ZFAT: variants seen among roughly 807,000 people sequenced by gnomAD.
The protein encoded by ZFAT is zinc finger and AT-hook domain containing, also known as zinc finger protein ZFAT.
Under a neutral mutation model 117.7 loss-of-function variants are expected in ZFAT, and 64 were observed. The observed-to-expected ratio is 0.54, with a 90% CI of 0.44 to 0.67. ZFAT has a LOEUF of 0.67. ZFAT is among the 30% of genes least tolerant of loss of function. The pLI is 0.00. For missense variants in ZFAT, 1,433 were observed against 1,584.5 expected (o/e 0.90, Z 1.62); for synonymous variants, 679 against 615.0 (o/e 1.10, Z -1.54).
chr8:134,654,988 T>A (rs966268974), intron 2 of ZFAT, among the ~76,000 whole-genome samples: 5 of 152,192 alleles, frequency 3.3e-5, no homozygotes, highest in African/African-American at 1.2e-4. Flanking sequence ...AAAGTGTTCC[T>A]CAGGGTGACC....
At chr8:134,606,617 GAGGCAAGAGAAT>G (rs1208780359) in intron 5 of ZFAT, among the ~76,000 whole-genome samples, 6 of 151,900 alleles carry the variant, frequency 3.9e-5, no homozygotes, top group Non-Finnish European at 7.4e-5. Flanking sequence ...TCAGGAGGCT[GAGGCAAGAGAAT>G]AGGCAAGAGA....
chr8:134,564,823 G>T (rs1000427511), intron 11 of ZFAT, among the ~76,000 whole-genome samples: 1 of 152,152 alleles, frequency 6.6e-6, no homozygotes, highest in Non-Finnish European at 1.5e-5. Context: ...CACCTACACT[G>T]AAGAAACACA....
intron 1 of ZFAT, among the ~76,000 whole-genome samples, chr8:134,707,471 A>G (rs370731327): frequency 3.9e-5 from 6 of 152,238 alleles, no homozygotes; most frequent in Non-Finnish European, 8.8e-5. Flanking sequence ...TAAGGGGCAG[A>G]GAAATGGTAG....
intron 1 of ZFAT, among the ~76,000 whole-genome samples, chr8:134,690,212 G>A (rs1000964175): frequency 1.3e-4 from 20 of 152,156 alleles, no homozygotes; most frequent in African/African-American, 3.4e-4. Context: ...GACCTCCAGC[G>A]GGGTAGGAGA....
At chr8:134,578,595 C>A (rs1209730241) in intron 10 of ZFAT, among the ~76,000 whole-genome samples, 2 of 151,928 alleles carry the variant, frequency 1.3e-5, no homozygotes, top group African/African-American at 4.8e-5. Context: ...CACGACCTGG[C>A]CTTTGTTTCC....
At chr8:134,550,587 G>C (rs966496843) in intron 11 of ZFAT, among the ~76,000 whole-genome samples, 2 of 152,182 alleles carry the variant, frequency 1.3e-5, no homozygotes, top group Non-Finnish European at 2.9e-5. Flanking sequence ...AGCGTTCTCT[G>C]ATTATTGATT....
At chr8:134,774,675 T>A in the ZFAT span, among the ~76,000 whole-genome samples, 3,844 of 152,334 alleles carry the variant, frequency 0.025, 148 homozygotes, top group African/African-American at 0.087. Flanking sequence ...AACTTGACCT[T>A]CTTTATTGTA....
intron 11 of ZFAT, among the ~76,000 whole-genome samples, chr8:134,557,330 C>A (rs1823718351): frequency 6.6e-6 from 1 of 152,274 alleles, no homozygotes; most frequent in East Asian, 1.9e-4. Flanking sequence ...GTCTGAGAAG[C>A]TGTTAAATCC....
chr8:134,501,292 T>C (rs908259870), intron 15 of ZFAT, among the ~76,000 whole-genome samples: 9 of 152,218 alleles, frequency 5.9e-5, no homozygotes, highest in South Asian at 2.1e-4. Flanking sequence ...AGAGGACACA[T>C]GCAATTCTCT....
At chr8:134,818,547 G>A in the ZFAT span, among the ~76,000 whole-genome samples, 96 of 152,252 alleles carry the variant, frequency 6.3e-4, no homozygotes, top group Non-Finnish European at 1.3e-4. Flanking sequence ...AAACTAGGTA[G>A]GTATAGAACA....
At chr8:134,656,685 G>C (rs1196347151) in intron 2 of ZFAT, among the ~76,000 whole-genome samples, 1 of 152,190 alleles carries the variant, frequency 6.6e-6, no homozygotes, top group Non-Finnish European at 1.5e-5. Flanking sequence ...CCAGGAAAGA[G>C]CCAGTGGATT....
the ZFAT span, among the ~76,000 whole-genome samples, chr8:134,755,333 A>T: frequency 6.6e-6 from 1 of 151,042 alleles, no homozygotes; most frequent in East Asian, 1.9e-4. Context: ...GAAATGCTTG[A>T]ACCTGGGAGG....
chr8:134,479,299 T>C (rs764161745), intron 15 of ZFAT, among the ~76,000 whole-genome samples: 17 of 152,136 alleles, frequency 1.1e-4, no homozygotes, highest in African/African-American at 2.4e-4. Context: ...CCTTAACTAT[T>C]TGGGGGAAGG....
At position 134,478,398 on chromosome 8, in the gene ZFAT, AG is replaced by A; in HGVS notation, c.*83del. 6.7e-7 allele frequency: 1 copy of A among 1,492,398 alleles called. No homozygotes were observed. 92.4% of individuals were successfully genotyped at this position (1,492,398 alleles called of 1,614,324 possible). A position where few individuals can be genotyped will look rare whatever the true frequency, so the allele number is the denominator to read the frequency against. On this transcript the variant is annotated 3_prime_UTR_variant, in exon 16 of 16. Transcript: ENST00000377838. This position sits in a 1 kb window ranked among gnomAD's most constrained non-coding sequence, Gnocchi z 5.2. ...CAAAGGAGAGCACCATTCTGCGGGT[AG>A]GGCAGGAAGGGTGGCCTCCCCACCC...
At chr8:134,512,632 C>G (rs755912804) in intron 13 of ZFAT, 31 bp from the exon 14 acceptor site, 4 of 1,597,154 alleles carry the variant, frequency 2.5e-6, no homozygotes, top group South Asian at 2.2e-5. Context: ...TAAGTCATCT[C>G]CTAAAAGATT....
chr8:134,695,410 C>T (rs1368063354), intron 1 of ZFAT, among the ~76,000 whole-genome samples: 3 of 151,550 alleles, frequency 2.0e-5, no homozygotes, highest in Admixed American at 6.6e-5. Context: ...CCCCCAGGCC[C>T]GGCCATCTCC....
At chr8:134,582,981 C>A (rs182356328) in intron 10 of ZFAT, among the ~76,000 whole-genome samples, 4 of 152,210 alleles carry the variant, frequency 2.6e-5, no homozygotes, top group African/African-American at 9.6e-5. Context: ...GTCCCTCACA[C>A]AACCTGTCTA....
intron 4 of ZFAT, among the ~76,000 whole-genome samples, chr8:134,610,162 C>T (rs978815575): frequency 6.6e-6 from 1 of 151,392 alleles, no homozygotes; most frequent in East Asian, 1.9e-4. Flanking sequence ...AGGAGAAGAG[C>T]TGGGTGAGGG....
chr8:134,782,121 G>A, the ZFAT span, among the ~76,000 whole-genome samples: 1 of 152,204 alleles, frequency 6.6e-6, no homozygotes, highest in Non-Finnish European at 1.5e-5. Context: ...TGGATTTAAT[G>A]TCTTGCCCCA....
Sources: gnomAD v4.1 joint callset for allele counts (sites outside exome capture counted in the v4.1 genomes callset) on GRCh38, gnomAD v4.1.1 for gene constraint, Gnocchi (gnomAD v3.1) non-coding constraint, MANE v1.5 for transcripts, NCBI Gene and HGNC (gene_info 2026-07-23, HGNC 2026-07-21) for gene names.